Variants in EFCAB8 observed in about 807,000 individuals in gnomAD.
EFCAB8 encodes the protein EF-hand calcium binding domain 8, also known as EF-hand calcium-binding domain-containing protein 8.
A neutral mutation model predicts 116.3 loss-of-function variants in EFCAB8; 100 were observed. The ratio of observed to expected loss-of-function variants is 0.86; its 90% CI spans 0.73 to 1.02. The LOEUF (loss-of-function observed/expected upper bound fraction) is 1.02. Ranked by LOEUF, EFCAB8 falls within the 50% of genes least tolerant of loss-of-function variation. EFCAB8 has a pLI of 0.00. For synonymous variants in EFCAB8, 558 were observed against 567.9 expected (o/e 0.98, Z 0.25); for missense variants, 1,320 against 1,416.9 (o/e 0.93, Z 1.10).
At chr20:32,959,511 G>A (rs1437508758) in intron 24 of EFCAB8, among the ~76,000 whole-genome samples, 2 of 152,236 alleles carry the variant, frequency 1.3e-5, no homozygotes, top group African/African-American at 2.4e-5. Context: ...GGGAGGTCCA[G>A]ATAAAGCCAG....
At chr20:32,925,855 G>A (rs1420611589) in intron 20 of EFCAB8, among the ~76,000 whole-genome samples, 2 of 152,266 alleles carry the variant, frequency 1.3e-5, no homozygotes, top group African/African-American at 2.4e-5. Context: ...GGCTGAGTGA[G>A]ACTGAAATGC....
chr20:32,882,263 C>T (rs1297436159), intron 5 of EFCAB8, among the ~76,000 whole-genome samples: 1 of 152,126 alleles, frequency 6.6e-6, no homozygotes, highest in African/African-American at 2.4e-5. Context: ...CAGTTTCTAC[C>T]TTCTTTGCTG....
At chr20:32,948,561 AAAG>A (rs1246458761) in intron 23 of EFCAB8, among the ~76,000 whole-genome samples, 1 of 149,764 alleles carries the variant, frequency 6.7e-6, no homozygotes, top group Non-Finnish European at 1.5e-5. Context: ...AGAAAGAAAG[AAAG>A]AAAGAAAGAA....
intron 26 of EFCAB8, among the ~76,000 whole-genome samples, chr20:32,960,389 G>T (rs1295787246): frequency 6.6e-6 from 1 of 152,210 alleles, no homozygotes; most frequent in East Asian, 1.9e-4. Context: ...TGTCCTTGAG[G>T]ACAAGCCTCA....
In EFCAB8 at chr20:32,897,591, A is replaced by C. The variant is rs144874051; in HGVS notation, c.958-902A>C. The stretch of plus-strand genomic sequence containing the variant: ...CCGAGTAGCTGGGAATACAAGCACC[A>C]CACCCAGCTAATTTTTTAATTCTTT... On this transcript the variant is annotated intron_variant, in intron 10 of 26. Transcript: ENST00000400522. Among the ~76,000 whole-genome samples the C allele has an allele frequency of 3.4e-3, 514 of 152,062 alleles. 4 individuals are homozygous for C. The highest frequency in any genetic ancestry group is 0.012 in the African/African-American group (497 of 41,482).
At chr20:32,960,706 C>T (rs1989119898) in intron 26 of EFCAB8, among the ~76,000 whole-genome samples, 1 of 152,232 alleles carries the variant, frequency 6.6e-6, no homozygotes, top group Non-Finnish European at 1.5e-5. Context: ...GAGCTCCCTC[C>T]TCCCTGTGGT....
intron 23 of EFCAB8, among the ~76,000 whole-genome samples, chr20:32,949,213 C>T (rs551570066): frequency 2.4e-4 from 37 of 152,096 alleles, no homozygotes; most frequent in East Asian, 1.5e-3. Context: ...GATACATTTA[C>T]GAAAACATAA....
chr20:32,862,737 C>T (rs758650826), intron 1 of EFCAB8, among the ~76,000 whole-genome samples: 2 of 152,142 alleles, frequency 1.3e-5, no homozygotes, highest in Non-Finnish European at 2.9e-5. Context: ...AAGCAATCCT[C>T]CTGCCTCAGC....
intron 3 of EFCAB8, among the ~76,000 whole-genome samples, chr20:32,870,259 C>T (rs1242052598): frequency 6.6e-6 from 1 of 152,186 alleles, no homozygotes; most frequent in East Asian, 1.9e-4. Context: ...GGAAGTGCCA[C>T]CACTGTGTCT....
At chr20:32,937,238 C>T (rs1163066019) in intron 22 of EFCAB8, among the ~76,000 whole-genome samples, 1 of 152,078 alleles carries the variant, frequency 6.6e-6, no homozygotes. Context: ...CCTCGGCCTC[C>T]CAAAGTGCTG....
chr20:32,885,442 G>A (rs541662952), intron 5 of EFCAB8, 63 bp from the exon 6 acceptor site: 68 of 1,540,234 alleles, frequency 4.4e-5, no homozygotes, highest in East Asian at 2.2e-4. Context: ...CTGTTCTGCC[G>A]CAGGTGCCCC....
At chr20:32,943,924 G>T (rs1057028190) in intron 23 of EFCAB8, 120 bp downstream of exon 23, 6 of 405,442 alleles carry the variant, frequency 1.5e-5, no homozygotes, top group Non-Finnish European at 2.7e-5. Flanking sequence ...CACAGCAACT[G>T]CCTTCACTTA....
chr20:32,907,051 G>A, intron 13 of EFCAB8, 57 bp downstream of exon 13: 5 of 1,459,214 alleles, frequency 3.4e-6, no homozygotes. Context: ...ACACTGGCCA[G>A]AGAAATGGCA....
chr20:32,889,164 T>A, intron 6 of EFCAB8, 137 bp from the exon 7 acceptor site: 1 of 674,058 alleles, frequency 1.5e-6, no homozygotes, highest in South Asian at 1.9e-5. Flanking sequence ...CCCCTATCAC[T>A]AGACTTAGTG....
chr20:32,893,509 A>T (rs564447447), intron 9 of EFCAB8, among the ~76,000 whole-genome samples: 1 of 152,120 alleles, frequency 6.6e-6, no homozygotes, highest in East Asian at 1.9e-4. Flanking sequence ...GGCTGGGGAG[A>T]GGGGTGGCCT....
At chr20:32,942,687 A>G (rs1301336737) in intron 22 of EFCAB8, among the ~76,000 whole-genome samples, 2 of 152,032 alleles carry the variant, frequency 1.3e-5, no homozygotes, top group African/African-American at 2.4e-5. Flanking sequence ...CCCCATTGTG[A>G]TATTTTCCTT....
intron 3 of EFCAB8, among the ~76,000 whole-genome samples, chr20:32,875,483 A>G (rs369016469): frequency 1.7e-5 from 2 of 118,238 alleles, no homozygotes; most frequent in East Asian, 4.2e-4. Flanking sequence ...TGAACTGAGC[A>G]CACCTGGTAA....
At chr20:32,944,031 C>G (rs558743995) in intron 23 of EFCAB8, among the ~76,000 whole-genome samples, 56 of 152,256 alleles carry the variant, frequency 3.7e-4, no homozygotes, top group African/African-American at 1.3e-3. Flanking sequence ...TTTTGCAAAT[C>G]ATATATCTGA....
intron 1 of EFCAB8, among the ~76,000 whole-genome samples, chr20:32,863,033 G>A (rs1984195039): frequency 6.7e-6 from 1 of 149,918 alleles, no homozygotes; most frequent in Non-Finnish European, 1.5e-5. Context: ...TTCCTTCTCT[G>A]CCATGATTCC....
Sources: gnomAD v4.1 joint callset for allele counts (sites outside exome capture counted in the v4.1 genomes callset) on GRCh38, gnomAD v4.1.1 for gene constraint, MANE v1.5 for transcripts, NCBI Gene and HGNC (gene_info 2026-07-23, HGNC 2026-07-21) for gene names.